Variants in CTSW observed in about 807,000 individuals in gnomAD.
The protein encoded by CTSW is cathepsin W.
In CTSW, 42 loss-of-function variants were observed where a neutral mutation model predicts 43.8. That is an observed-to-expected ratio of 0.96 (90% CI 0.75 to 1.24). CTSW has a LOEUF of 1.24. Ranked by LOEUF, CTSW falls within the 50% of genes most tolerant of loss-of-function variation. The pLI, the probability that CTSW is intolerant of heterozygous loss-of-function variation, is 0.00. For missense variants in CTSW, 475 were observed against 479.9 expected, an observed-to-expected ratio of 0.99 and a Z score of 0.09; for synonymous variants, 191 against 184.8, an observed-to-expected ratio of 1.03 and a Z score of -0.27.
Position 65,880,266 on chromosome 11 carries a change from GGAGTTACCT to G in CTSW, c.156_164del (p.Tyr53_Ser55del). 6.2e-7 allele frequency: 1 copy of G among 1,613,924 alleles called. No individual in the cohort carries two copies. The highest frequency in any genetic ancestry group is 8.5e-7 in the Non-Finnish European group (1 of 1,179,904). ...AAGTTGTTCCAGATCCAGTTCAACC[GGAGTTACCT>G]GAGCCCAGAAGGTATCACAGGGCAC... is the stretch of plus-strand genomic sequence containing the variant. On this transcript the variant is annotated inframe_deletion, in exon 2 of 10. Coordinates refer to ENST00000307886, the MANE Select transcript of CTSW (RefSeq NM_001335.4).
rs760292410 is a variant in CTSW at position 65,880,217 on chromosome 11, C to A, written c.103C>A (p.Pro35Thr). The A allele has an allele frequency of 6.2e-7, 1 of 1,614,170 alleles. No homozygotes were observed. Among genetic ancestry groups the A allele is most frequent in the Non-Finnish European group, 8.5e-7 (1 of 1,179,984 alleles). ...PLRAQDLGPQ[P>T]LELKEAFKLF... Reference sequence around the variant, plus strand: ...TCCTTGCCAGGACCTAGGTCCCCAGCCGCTAGAGCTGAAAGAGGCCTTCAA... The same window carrying A: ...TCCTTGCCAGGACCTAGGTCCCCAGACGCTAGAGCTGAAAGAGGCCTTCAA... The change falls in exon 2 of 10, where the codon CCG (proline) becomes ACG (threonine). Residue 35 changes from proline to threonine, a missense_variant. Pro to Thr is a conservative substitution (Grantham distance 38, BLOSUM62 -1). Transcript: ENST00000307886.
chr11:65,882,162 G>C lies in CTSW; in HGVS notation c.287-13G>C. ...TCAAAATGGAGACCTCAGTGGCCCT[G>C]TCTGTTCCCCAGAGGAGGAGTTTGG... On this transcript the variant is annotated splice_polypyrimidine_tract_variant and intron_variant, in intron 3 of 9. Coordinates refer to ENST00000307886, the MANE Select transcript of CTSW (RefSeq NM_001335.4). 1 of 1,613,838 alleles carries C rather than the reference G, an allele frequency of 6.2e-7. No homozygotes were observed. Among genetic ancestry groups the C allele is most frequent in the East Asian group, 2.2e-5 (1 of 44,882 alleles).
chr11:65,882,490 A>G lies in CTSW; in HGVS notation c.502A>G (p.Ile168Val). 3.1e-6 allele frequency: 5 copies of G among 1,614,164 alleles called. No homozygotes were observed. The highest frequency in any genetic ancestry group is 4.2e-6 in the Non-Finnish European group (5 of 1,180,018). The change falls in exon 5 of 10, where the codon ATC (isoleucine) becomes GTC (valine). Residue 168 changes from isoleucine (I) to valine (V), a missense_variant. By Grantham distance (29) the Ile-to-Val change is conservative (BLOSUM62 3). Transcript: ENST00000307886. The part of the protein sequence containing the change: ...AAGNIETLWR[I>V]SFWDFVDVSV... ...AGGCAACATAGAGACCCTGTGGCGC[A>G]TCAGTTTCTGGGATTTTGTGGATGT...
rs549142832 is a variant in CTSW at position 65,882,605 on chromosome 11, C to G, written c.539-4C>G. 5 of 1,614,178 alleles carry G rather than the reference C, an allele frequency of 3.1e-6. No individual in the cohort carries two copies. The highest frequency in any genetic ancestry group is 2.2e-5 in the East Asian group (1 of 44,876). On this transcript the variant is annotated splice_region_variant and splice_polypyrimidine_tract_variant and intron_variant, in intron 5 of 9. Coordinates refer to ENST00000307886, the MANE Select transcript of CTSW (RefSeq NM_001335.4). The stretch of plus-strand genomic sequence containing the variant: ...GTCACCCACACTGTCCCTTCTTGCA[C>G]CAGAACTGCTGGACTGTGGCCGCTG...
At chr11:65,881,342 C>T (rs936310505) in intron 2 of CTSW, 65 bp from the exon 3 acceptor site, 1 of 1,163,132 alleles carries the variant, frequency 8.6e-7, no homozygotes, top group East Asian at 2.8e-5. Context: ...GGGTGCCCAG[C>T]CAGCGGCTAC....
At position 65,881,521 on chromosome 11, in the gene CTSW, G is replaced by T. The variant is rs1303660458; in HGVS notation, c.286+1G>T. On this transcript the variant is annotated splice_donor_variant, in intron 3 of 9. Coordinates refer to ENST00000307886, the MANE Select transcript of CTSW (RefSeq NM_001335.4). LOFTEE classifies it high-confidence loss of function. Reference sequence around the variant, plus strand: ...GTGACTCCATTCAGTGACCTCACAGGTACCATTAACCCTTCTGGCTCGTAG... The same window carrying T: ...GTGACTCCATTCAGTGACCTCACAGTTACCATTAACCCTTCTGGCTCGTAG... The T allele has an allele frequency of 1.9e-6, 3 of 1,596,056 alleles. No individual in the cohort carries two copies. Among genetic ancestry groups the T allele is most frequent in the Non-Finnish European group, 2.6e-6 (3 of 1,168,618 alleles).
Position 65,882,676 on chromosome 11 carries a change from T to C in CTSW, c.606T>C (p.Thr202=), listed in dbSNP as rs41302419. The C allele has an allele frequency of 0.012, 18,734 of 1,614,056 alleles. 135 individuals are homozygous for C. The highest frequency in any genetic ancestry group is 0.014 in the Non-Finnish European group (16,378 of 1,180,012). Residue 202 remains threonine, a synonymous_variant, in exon 6 of 10, where the codon ACT becomes ACC. Transcript: ENST00000307886. ...GCTTCGTCTGGGACGCGTTCATAACTGTCCTCAACAACAGTGAGTGCACTG... is the reference window on the plus strand; with the variant it reads ...GCTTCGTCTGGGACGCGTTCATAACCGTCCTCAACAACAGTGAGTGCACTG... ...HGGFVWDAFI[T]VLNNSGLASE...
intron 1 of CTSW, 32 bp downstream of exon 1, chr11:65,879,973 TC>T (rs763456298): frequency 3.6e-5 from 57 of 1,567,746 alleles, no homozygotes; most frequent in Non-Finnish European, 5.0e-5. Context: ...CCTATGCCAG[TC>T]CCACGCCTGG....
rs748440000 is a variant in CTSW, at chr11:65,883,537, T to C, written c.1050T>C (p.Asn350=). The change falls in exon 10 of 10, where the codon AAT becomes AAC. Residue 350 remains asparagine, a synonymous_variant. Coordinates refer to ENST00000307886, the MANE Select transcript of CTSW (RefSeq NM_001335.4). ...ATTTCCGGCTGCACCGAGGGAGCAATACCTGTGGCATCACCAAGTTCCCGC... is the reference window on the plus strand; with the variant it reads ...ATTTCCGGCTGCACCGAGGGAGCAACACCTGTGGCATCACCAAGTTCCCGC... ...KGYFRLHRGS[N]TCGITKFPLT... 3 of 1,613,994 alleles carry C rather than the reference T, an allele frequency of 1.9e-6. No homozygotes were observed. The highest frequency in any genetic ancestry group is 1.7e-5 in the Admixed American group (1 of 60,010).
rs1262052362 is a variant in CTSW at position 65,882,202 on chromosome 11, A to G, written c.314A>G (p.Tyr105Cys). 2 of 1,614,144 alleles carry G rather than the reference A, an allele frequency of 1.2e-6. No individual in the cohort carries two copies. The highest frequency in any genetic ancestry group is 1.7e-6 in the Non-Finnish European group (2 of 1,180,026). Reference protein sequence around the residue: ...TEEEFGQLYGYRRAAGGVPSM... With the variant: ...TEEEFGQLYGCRRAAGGVPSM... ...GAGGAGTTTGGCCAGCTCTATGGCT[A>G]TCGGAGGGCAGCTGGAGGGGTCCCC... Residue 105 changes from tyrosine to cysteine, a missense_variant, in exon 4 of 10, where the codon TAT (tyrosine) becomes TGT (cysteine). Physicochemically the swap from Tyr to Cys is radical, Grantham distance 194. Coordinates refer to ENST00000307886, the MANE Select transcript of CTSW (RefSeq NM_001335.4).
chr11:65,883,462 C>G (rs749454673), intron 9 of CTSW, 38 bp downstream of exon 9: 1 of 1,612,292 alleles, frequency 6.2e-7, no homozygotes, highest in Non-Finnish European at 8.5e-7. Context: ...CAAGGCAGAA[C>G]AGGCCTCTTC....
Position 65,880,013 on chromosome 11 carries a change from T to TGA in CTSW, c.87+72_87+73insGA, listed in dbSNP as rs1860086063. 6.5e-6 allele frequency: 9 copies of TGA among 1,391,968 alleles called. No homozygotes were observed. The South Asian group carries it at 1.1e-4, about 17-fold the overall frequency. The allele number at this position is 1,391,968 out of a possible 1,614,324, so 86.2% of individuals were successfully genotyped here. On this transcript the variant is annotated intron_variant, in intron 1 of 9. Coordinates refer to ENST00000307886, the MANE Select transcript of CTSW (RefSeq NM_001335.4). ...CACCCCTTCAGAAACAGCTGGCCTGTCATTCTCATTTTTCAGAGGGAGTTG... is the reference window on the plus strand; with the variant it reads ...CACCCCTTCAGAAACAGCTGGCCTGTGACATTCTCATTTTTCAGAGGGAGTTG...
rs191724943 is a variant in CTSW at position 65,881,984 on chromosome 11, C to T, written c.287-191C>T. On this transcript the variant is annotated intron_variant, in intron 3 of 9. Coordinates refer to ENST00000307886, the MANE Select transcript of CTSW (RefSeq NM_001335.4). ...CTTTTTGTGGAGATGGGGTCTCGGACTCCTGACCTCAAGTGATCCACCCAC... is the reference window on the plus strand; with the variant it reads ...CTTTTTGTGGAGATGGGGTCTCGGATTCCTGACCTCAAGTGATCCACCCAC... Among the ~76,000 whole-genome samples the T allele has an allele frequency of 2.4e-3, 367 of 152,330 alleles. 1 individual carries two copies. Among genetic ancestry groups the T allele is most frequent in the African/African-American group, 8.3e-3 (346 of 41,570 alleles).
intron 3 of CTSW, among the ~76,000 whole-genome samples, 166 bp downstream of exon 3, chr11:65,881,686 G>A (rs1309235494): frequency 6.6e-6 from 1 of 152,146 alleles, no homozygotes; most frequent in Non-Finnish European, 1.5e-5. Flanking sequence ...CCAGTGCAGG[G>A]GCAGAATCTC....
At chr11:65,881,385 G>T (rs1013715587) in intron 2 of CTSW, 22 bp from the exon 3 acceptor site, 1 of 1,558,224 alleles carries the variant, frequency 6.4e-7, no homozygotes. Flanking sequence ...AGTCAGCCTA[G>T]GACAACTCCC....
In CTSW at chr11:65,883,406, G is replaced by A. The variant is rs372252557; in HGVS notation, c.1002G>A (p.Gly334=). The change falls in exon 9 of 10, where the codon GGG becomes GGA. Residue 334 remains glycine, a synonymous_variant. Coordinates refer to ENST00000307886, the MANE Select transcript of CTSW (RefSeq NM_001335.4). ...ACTGGATCCTGAAGAACTCCTGGGG[G>A]GCCCAATGGGGAGAGAAGGTGAGTG... ...TPYWILKNSW[G]AQWGEKGYFR... is the part of the protein sequence containing the mutation. The A allele has an allele frequency of 1.2e-5, 20 of 1,613,938 alleles. No homozygotes were observed. The African/African-American group carries it at 2.0e-4, about 16-fold the overall frequency.
chr11:65,883,664 C>T lies in CTSW; in HGVS notation c.*46C>T. 3 of 1,549,782 alleles carry T rather than the reference C, an allele frequency of 1.9e-6. No homozygotes were observed. The highest frequency in any genetic ancestry group is 1.8e-6 in the Non-Finnish European group (2 of 1,125,982). ...TCTGTCCTGTTAGGCCAACTGCCTC[C>T]TTGCCAGCCCCACCCCCAGGTTTTT... On this transcript the variant is annotated 3_prime_UTR_variant, in exon 10 of 10. Coordinates refer to ENST00000307886, the MANE Select transcript of CTSW (RefSeq NM_001335.4).
rs1017826881 is a variant in CTSW at position 65,882,508 on chromosome 11, G to T, written c.520G>T (p.Val174Leu). The T allele has an allele frequency of 2.5e-6, 4 of 1,614,086 alleles. No homozygotes were observed. Among genetic ancestry groups the T allele is most frequent in the Non-Finnish European group, 3.4e-6 (4 of 1,180,030 alleles). ...TLWRISFWDF[V>L]DVSVQELLDC... is the part of the protein sequence containing the mutation. The stretch of plus-strand genomic sequence containing the variant: ...GTGGCGCATCAGTTTCTGGGATTTT[G>T]TGGATGTCTCCGTGCAGGGTAGGGT... The change falls in exon 5 of 10, where the codon GTG becomes TTG. Residue 174 changes from valine to leucine, a missense_variant. Val to Leu is a conservative substitution (Grantham distance 32, BLOSUM62 1). Coordinates refer to ENST00000307886, the MANE Select transcript of CTSW (RefSeq NM_001335.4).
In CTSW at chr11:65,882,519, C is replaced by T. The variant is rs533522176; in HGVS notation, c.531C>T (p.Ser177=). ...RISFWDFVDV[S]VQELLDCGRC... ...GTTTCTGGGATTTTGTGGATGTCTCCGTGCAGGGTAGGGTTGGGAGAGGGT... is the reference window on the plus strand; with the variant it reads ...GTTTCTGGGATTTTGTGGATGTCTCTGTGCAGGGTAGGGTTGGGAGAGGGT... Residue 177 remains serine, a synonymous_variant, in exon 5 of 10, where the codon TCC becomes TCT. Transcript: ENST00000307886. 54 of 1,614,172 alleles carry T rather than the reference C, an allele frequency of 3.3e-5. No individual in the cohort carries two copies. Among genetic ancestry groups the T allele is most frequent in the Admixed American group, 1.3e-4 (8 of 60,024 alleles).
Sources: allele counts gnomAD v4.1 joint callset (sites outside exome capture counted in the v4.1 genomes callset), GRCh38; gene constraint gnomAD v4.1.1; transcripts MANE v1.5; gene names NCBI Gene and HGNC (gene_info 2026-07-23, HGNC 2026-07-21).